Variants in DISP3 observed in about 807,000 individuals in gnomAD.
DISP3 encodes the protein protein dispatched homolog 3.
In DISP3, 101 loss-of-function variants were observed where a neutral mutation model predicts 135.3. That is an observed-to-expected ratio of 0.75 (90% CI 0.64 to 0.88). The LOEUF (loss-of-function observed/expected upper bound fraction) is 0.88, where lower values mean the gene tolerates loss of function less well. Among genes scored for constraint, DISP3 ranks in the 40% least tolerant of loss-of-function variants. The pLI, the probability that DISP3 is intolerant of heterozygous loss-of-function variation, is 0.00. For synonymous variants in DISP3, 856 were observed against 817.0 expected (o/e 1.05, Z -0.81); for missense variants, 1,713 against 1,878.6 (o/e 0.91, Z 1.63).
At chr1:11,500,096 T>C (rs900869824) in intron 1 of DISP3, among the ~76,000 whole-genome samples, 2 of 152,198 alleles carry the variant, frequency 1.3e-5, no homozygotes, top group African/African-American at 2.4e-5. Flanking sequence ...GCTGCTGCAC[T>C]CAAGTCTCTG....
Position 11,534,007 on chromosome 1 carries a change from A to T in DISP3, c.3376-374A>T, listed in dbSNP as rs182897908. Among the ~76,000 whole-genome samples, 189 of 152,288 alleles carry T rather than the reference A, an allele frequency of 1.2e-3. 1 individual carries two copies. The highest frequency in any genetic ancestry group is 1.4e-3 in the Non-Finnish European group (92 of 68,014). ...GGGTTTGGAGACACTAAGGAGGCCCACCTTGGGGCATCAAGGAAGGCTTCC... is the reference window on the plus strand; with the variant it reads ...GGGTTTGGAGACACTAAGGAGGCCCTCCTTGGGGCATCAAGGAAGGCTTCC... On this transcript the variant is annotated intron_variant, in intron 17 of 20. Coordinates refer to ENST00000294484, the MANE Select transcript of DISP3 (RefSeq NM_020780.2).
chr1:11,528,978 G>T (rs1021331004), intron 13 of DISP3, among the ~76,000 whole-genome samples: 2 of 152,204 alleles, frequency 1.3e-5, no homozygotes, highest in African/African-American at 2.4e-5. Flanking sequence ...GTCCTCCCCT[G>T]AGCCCCAGGC....
chr1:11,489,220 G>A (rs1641117458), intron 1 of DISP3, among the ~76,000 whole-genome samples: 1 of 152,240 alleles, frequency 6.6e-6, no homozygotes, highest in Non-Finnish European at 1.5e-5. Flanking sequence ...CCTCATGGCG[G>A]CCCCTCAGCA....
intron 11 of DISP3, 100 bp downstream of exon 11, chr1:11,524,155 GA>G: frequency 1.1e-6 from 1 of 927,566 alleles, no homozygotes; most frequent in South Asian, 1.5e-5. Flanking sequence ...TCTCCTTCAA[GA>G]AGGAGATTGT....
rs1641546651 is a variant in DISP3, at chr1:11,501,909, T to G, written c.917T>G (p.Met306Arg). The G allele has an allele frequency of 6.2e-7, 1 of 1,613,448 alleles. No homozygotes were observed. Among genetic ancestry groups the G allele is most frequent in the African/African-American group, 1.3e-5 (1 of 74,950 alleles). Residue 306 changes from methionine to arginine, a missense_variant, in exon 2 of 21, where the codon ATG becomes AGG. By Grantham distance (91) the Met-to-Arg change is moderately conservative. This residue lies in a region of DISP3 where 571 missense variants were observed against 494.1 expected (regional missense o/e 1.16). Coordinates refer to ENST00000294484, the MANE Select transcript of DISP3 (RefSeq NM_020780.2). This position sits in a 1 kb window ranked among gnomAD's most constrained non-coding sequence, Gnocchi z 4.9. ...VTIHEIERKI[M>R]DHPGFREFCW... is the part of the protein sequence containing the mutation. ...ATCCATGAGATCGAGCGCAAGATCA[T>G]GGACCACCCAGGCTTCCGGGAGTTC...
At chr1:11,534,334 G>GT in intron 17 of DISP3, 47 bp from the exon 18 acceptor site, 1 of 1,607,368 alleles carries the variant, frequency 6.2e-7, no homozygotes, top group Non-Finnish European at 8.5e-7. Flanking sequence ...AAGGGCGGGT[G>GT]GGCCACAGTC....
At position 11,531,515 on chromosome 1, in the gene DISP3, C is replaced by T. The variant is rs1385041602; in HGVS notation, c.3230-50C>T. On this transcript the variant is annotated intron_variant, in intron 16 of 20. Transcript: ENST00000294484. The surrounding 1 kb of genome is among the most constrained non-coding windows in gnomAD (Gnocchi z 5.2). ...TGGGCACAGGTGTGATGCAGGGGGA[C>T]AGGCTCTTCCAGGGCCACCACGCAC... The T allele has an allele frequency of 3.1e-6, 5 of 1,611,358 alleles. No individual in the cohort carries two copies. The highest frequency in any genetic ancestry group is 2.7e-5 in the African/African-American group (2 of 74,856).
At chr1:11,522,593 AGGACCCAGCC>A (rs1219027176) in intron 10 of DISP3, among the ~76,000 whole-genome samples, 4 of 137,234 alleles carry the variant, frequency 2.9e-5, no homozygotes. Flanking sequence ...AGACCCAGCC[AGGACCCAGCC>A]AGAGCCCAGC....
intron 10 of DISP3, among the ~76,000 whole-genome samples, chr1:11,522,706 A>ACCCAGCCAGGG (rs1557615287): frequency 3.7e-4 from 9 of 24,252 alleles, no homozygotes; most frequent in Non-Finnish European, 5.1e-4. Flanking sequence ...CCCAGCCAGG[A>ACCCAGCCAGGG]CCCAGCCAGG....
At chr1:11,500,909 C>T (rs1168866651) in intron 1 of DISP3, 81 bp from the exon 2 acceptor site, 16 of 1,496,874 alleles carry the variant, frequency 1.1e-5, no homozygotes, top group Admixed American at 1.9e-5. Context: ...AGGGTTGGTA[C>T]CTAGGGCTGG....
At chr1:11,494,745 A>C (rs977246676) in intron 1 of DISP3, among the ~76,000 whole-genome samples, 4 of 152,262 alleles carry the variant, frequency 2.6e-5, no homozygotes, top group Non-Finnish European at 4.4e-5. Flanking sequence ...AAAGCTGATT[A>C]GCTCCTAATT....
intron 4 of DISP3, among the ~76,000 whole-genome samples, chr1:11,514,856 T>G (rs1161737006): frequency 6.6e-6 from 1 of 152,164 alleles, no homozygotes; most frequent in Non-Finnish European, 1.5e-5. Flanking sequence ...TGTAGCCTAT[T>G]TTGGAGTCCC....
At chr1:11,535,394 G>A (rs1353106201) in intron 19 of DISP3, 84 bp from the exon 20 acceptor site, 7 of 1,502,048 alleles carry the variant, frequency 4.7e-6, no homozygotes, top group Non-Finnish European at 6.2e-6. Context: ...ACCTGAGGGT[G>A]GGGGCTGGAC....
Position 11,529,596 on chromosome 1 carries a change from G to T in DISP3, c.2839G>T (p.Gly947Trp). Reference sequence around the variant, plus strand: ...CCAGTCCCACAAGCCCCCCTTCCACGGGCGCGTATGCATGGCACCCCCTGG... The same window carrying T: ...CCAGTCCCACAAGCCCCCCTTCCACTGGCGCGTATGCATGGCACCCCCTGG... ...FAQSHKPPFH[G>W]RVCMAPPGCL... The change falls in exon 14 of 21, where the codon GGG (glycine) becomes TGG (tryptophan). Residue 947 changes from glycine to tryptophan, a missense_variant. By Grantham distance (184) the Gly-to-Trp change is radical. Coordinates refer to ENST00000294484, the MANE Select transcript of DISP3 (RefSeq NM_020780.2). The surrounding 1 kb of genome is among the most constrained non-coding windows in gnomAD (Gnocchi z 4.7). The T allele has an allele frequency of 6.2e-7, 1 of 1,602,092 alleles. No individual in the cohort carries two copies.
intron 1 of DISP3, among the ~76,000 whole-genome samples, chr1:11,480,145 C>T (rs1305636316): frequency 6.6e-6 from 1 of 152,178 alleles, no homozygotes; most frequent in African/African-American, 2.4e-5. Context: ...TGGGAAGGCG[C>T]CTCCTTGGGG....
Position 11,519,582 on chromosome 1 carries a change from A to G in DISP3, c.2038+79A>G, listed in dbSNP as rs1301227143. 5.9e-5 allele frequency: 93 copies of G among 1,582,240 alleles called. No homozygotes were observed. The highest frequency in any genetic ancestry group is 7.8e-5 in the Non-Finnish European group (91 of 1,162,138). On this transcript the variant is annotated intron_variant, in intron 8 of 20. Coordinates refer to ENST00000294484, the MANE Select transcript of DISP3 (RefSeq NM_020780.2). The surrounding 1 kb of genome is among the most constrained non-coding windows in gnomAD (Gnocchi z 4.3). ...TCTGCCAGGGGAGTAACACTTGACA[A>G]GTTGGTCCTGAGGCTGGGGGCCGGA...
At chr1:11,504,990 A>G (rs1166578514) in intron 3 of DISP3, among the ~76,000 whole-genome samples, 3 of 152,158 alleles carry the variant, frequency 2.0e-5, no homozygotes, top group Non-Finnish European at 4.4e-5. Context: ...CAGTTATTCA[A>G]ATTATTGTGA....
At chr1:11,486,553 G>T (rs1284189593) in intron 1 of DISP3, among the ~76,000 whole-genome samples, 1 of 152,206 alleles carries the variant, frequency 6.6e-6, no homozygotes, top group South Asian at 2.1e-4. Flanking sequence ...CCAGGAATCT[G>T]CAATGAACAG....
intron 13 of DISP3, among the ~76,000 whole-genome samples, chr1:11,527,099 T>C (rs1642443339): frequency 6.6e-6 from 1 of 152,138 alleles, no homozygotes; most frequent in South Asian, 2.1e-4. Context: ...GGTACCTGCT[T>C]AATTTTTGTA....
Sources: gnomAD v4.1 joint callset for allele counts (sites outside exome capture counted in the v4.1 genomes callset) on GRCh38, gnomAD v4.1.1 for gene constraint, gnomAD v4.1.1 regional missense constraint, Gnocchi (gnomAD v3.1) non-coding constraint, MANE v1.5 for transcripts, NCBI Gene and HGNC (gene_info 2026-07-23, HGNC 2026-07-21) for gene names.